The following TLK2 variants were observed in gnomAD, a reference collection of about 807,000 sequenced individuals.
TLK2 encodes tousled like kinase 2.
TLK2 carries 6 observed loss-of-function variants against 117.3 expected under a neutral mutation model. The ratio of observed to expected loss-of-function variants is 0.05; its 90% CI spans 0.03 to 0.10. TLK2 has a LOEUF of 0.10. Ranked by LOEUF, TLK2 falls within the 10% of genes least tolerant of loss-of-function variation. The pLI, the probability that TLK2 is intolerant of heterozygous loss-of-function variation, is 1.00. For missense variants in TLK2, 299 were observed against 901.2 expected (o/e 0.33, Z 8.56); for synonymous variants, 257 against 316.7 (o/e 0.81, Z 2.00).
chr17:62,603,541 G>A (rs1266975824), intron 19 of TLK2, among the ~76,000 whole-genome samples: 1 of 151,350 alleles, frequency 6.6e-6, no homozygotes, highest in Admixed American at 6.6e-5. Flanking sequence ...TTTTTTTAAG[G>A]CACAGTTTTT....
intron 6 of TLK2, among the ~76,000 whole-genome samples, chr17:62,529,505 A>C (rs1467471992): frequency 6.6e-6 from 1 of 152,178 alleles, no homozygotes; most frequent in Non-Finnish European, 1.5e-5. Context: ...AAGTATTGGG[A>C]TTATAGGCAT....
intron 2 of TLK2, among the ~76,000 whole-genome samples, chr17:62,493,595 G>A (rs998533049): frequency 6.6e-6 from 1 of 152,132 alleles, no homozygotes; most frequent in Non-Finnish European, 1.5e-5. Flanking sequence ...AGAAAATAGT[G>A]GTTCTTTTAA....
chr17:62,520,825 T>C lies in TLK2; in HGVS notation c.134T>C (p.Leu45Ser). ...SNQSLCSVGS[L>S]SDKEVETPEK... ...CAGAGCTTGTGCAGCGTCGGATCCT[T>C]GAGTGATAAAGAAGTAGAGGTAAGA... Residue 45 changes from leucine (L) to serine (S), a missense_variant, in exon 3 of 22, where the codon TTG (leucine) becomes TCG (serine). Leu to Ser is a moderately radical substitution (Grantham distance 145). Around this residue, in one of 4 missense-constraint regions of TLK2, gnomAD observed 105 missense variants for 218.4 expected, o/e 0.48. Coordinates refer to ENST00000346027, the MANE Select transcript of TLK2 (RefSeq NM_006852.6). The C allele has an allele frequency of 6.2e-7, 1 of 1,613,158 alleles. No homozygotes were observed. Among genetic ancestry groups the C allele is most frequent in the Non-Finnish European group, 8.5e-7 (1 of 1,179,440 alleles).
At chr17:62,522,372 C>T (rs1255911229) in intron 4 of TLK2, 99 bp downstream of exon 4, 1 of 1,303,822 alleles carries the variant, frequency 7.7e-7, no homozygotes, top group African/African-American at 1.5e-5. Context: ...ACAGGGATTC[C>T]TGATAAAGGA....
chr17:62,487,769 A>C (rs1369598432), intron 2 of TLK2, among the ~76,000 whole-genome samples: 1 of 149,374 alleles, frequency 6.7e-6, no homozygotes, highest in Non-Finnish European at 1.5e-5. Flanking sequence ...GATTACAGGC[A>C]TGCGCCAACA....
chr17:62,574,419 A>G, intron 12 of TLK2: 1 of 1,188,372 alleles, frequency 8.4e-7, no homozygotes, highest in Non-Finnish European at 1.2e-6. Context: ...AGGTGAGATG[A>G]ACAGACGAAT....
At chr17:62,611,242 A>G (rs2083736082) in intron 21 of TLK2, among the ~76,000 whole-genome samples, 2 of 152,202 alleles carry the variant, frequency 1.3e-5, no homozygotes, top group South Asian at 4.1e-4. Flanking sequence ...TTAAAGGCCA[A>G]GGATCATTAT....
intron 17 of TLK2, 136 bp downstream of exon 17, chr17:62,596,810 A>G (rs931495441): frequency 3.1e-5 from 22 of 703,364 alleles, no homozygotes; most frequent in African/African-American, 5.4e-5. Context: ...ATGATCAAAC[A>G]TAAATTCAGA....
In TLK2 at chr17:62,596,625, C is replaced by T; in HGVS notation, c.1501C>T (p.His501Tyr). Residue 501 changes from histidine (H) to tyrosine (Y), a missense_variant, in exon 17 of 22, where the codon CAT (histidine) becomes TAT (tyrosine). By Grantham distance (83) the His-to-Tyr change is moderately conservative. This residue lies in a region of TLK2 where 81 missense variants were observed against 370.9 expected (regional missense o/e 0.22). Coordinates refer to ENST00000346027, the MANE Select transcript of TLK2 (RefSeq NM_006852.6). The part of the protein sequence containing the change: ...REYRIHKELD[H>Y]PRIVKLYDYF... ...ATACCGGATTCATAAAGAGCTGGAT[C>T]ATCCCAGAATAGTTAAGCTGTATGA... is the stretch of plus-strand genomic sequence containing the variant. The T allele has an allele frequency of 1.2e-6, 2 of 1,614,164 alleles. No individual in the cohort carries two copies. The highest frequency in any genetic ancestry group is 1.7e-6 in the Non-Finnish European group (2 of 1,180,016).
chr17:62,582,666 T>G (rs2081303531), intron 15 of TLK2, among the ~76,000 whole-genome samples: 1 of 152,238 alleles, frequency 6.6e-6, no homozygotes, highest in Non-Finnish European at 1.5e-5. Flanking sequence ...ATATAAAATT[T>G]ACCATCTTAA....
chr17:62,474,206 G>C (rs1230533445), upstream of TLK2, among the ~76,000 whole-genome samples: 1 of 151,552 alleles, frequency 6.6e-6, no homozygotes, highest in Non-Finnish European at 1.5e-5. Context: ...AGCCTCCCCA[G>C]CAGCTGGGAC....
At chr17:62,582,162 A>G (rs2081268081) in intron 15 of TLK2, among the ~76,000 whole-genome samples, 1 of 152,168 alleles carries the variant, frequency 6.6e-6, no homozygotes, top group Admixed American at 6.5e-5. Context: ...TTCTTCTACA[A>G]CTATTGATAT....
chr17:62,595,996 T>A (rs2147096661), intron 16 of TLK2, among the ~76,000 whole-genome samples: 1 of 152,216 alleles, frequency 6.6e-6, no homozygotes, highest in Non-Finnish European at 1.5e-5. Flanking sequence ...GGAAAAGAGG[T>A]GTGATTATCA....
intron 1 of TLK2, among the ~76,000 whole-genome samples, chr17:62,471,888 C>CTTTTTTGTTTTTTTTTTTT (rs2070947116): frequency 2.6e-5 from 1 of 37,776 alleles, no homozygotes; most frequent in Non-Finnish European, 4.4e-5. Context: ...GTAGTATAGT[C>CTTTTTTGTTTTTTTTTTTT]TTTTTTTTTT....
chr17:62,586,083 A>G, intron 15 of TLK2, 52 bp from the exon 16 acceptor site: 1 of 1,365,914 alleles, frequency 7.3e-7, no homozygotes, highest in Non-Finnish European at 1.0e-6. Context: ...CACATCAGTT[A>G]CCTGTAATTT....
chr17:62,582,550 T>C (rs1160765164), intron 15 of TLK2, among the ~76,000 whole-genome samples: 1 of 152,222 alleles, frequency 6.6e-6, no homozygotes, highest in Non-Finnish European at 1.5e-5. Flanking sequence ...ATTTCATTAA[T>C]GTCTGCTTTC....
At chr17:62,513,831 G>T (rs2075349345) in intron 2 of TLK2, among the ~76,000 whole-genome samples, 1 of 151,908 alleles carries the variant, frequency 6.6e-6, no homozygotes, top group South Asian at 2.1e-4. Context: ...GGGATTACAG[G>T]CACCTGCCAC....
At chr17:62,590,851 A>G (rs2082024649) in intron 16 of TLK2, among the ~76,000 whole-genome samples, 2 of 152,214 alleles carry the variant, frequency 1.3e-5, no homozygotes, top group African/African-American at 2.4e-5. Flanking sequence ...AAACGTACAT[A>G]CTTTTTCCTC....
chr17:62,604,568 A>G (rs989416849), intron 19 of TLK2, among the ~76,000 whole-genome samples: 1 of 152,306 alleles, frequency 6.6e-6, no homozygotes, highest in Admixed American at 6.5e-5. Context: ...AGACCTAGAA[A>G]GGGATTTGCC....
Sources: gnomAD v4.1 joint callset for allele counts (sites outside exome capture counted in the v4.1 genomes callset) on GRCh38, gnomAD v4.1.1 for gene constraint, gnomAD v4.1.1 regional missense constraint, MANE v1.5 for transcripts, NCBI Gene and HGNC (gene_info 2026-07-23, HGNC 2026-07-21) for gene names.